LPA: variants seen among roughly 807,000 people sequenced by gnomAD.
LPA encodes the protein lipoprotein(a).
LPA carries 199 observed loss-of-function variants against 197.9 expected under a neutral mutation model. The observed-to-expected ratio is 1.01, with a 90% CI of 0.90 to 1.13. The LOEUF is 1.13. Among genes scored for constraint, LPA ranks in the 50% most tolerant of loss-of-function variants. LPA has a pLI of 0.00. For synonymous variants in LPA, 715 were observed against 639.5 expected (o/e 1.12, Z -1.78); for missense variants, 1,853 against 1,785.8 (o/e 1.04, Z -0.68).
chr6:160,539,110 C>T (rs1177001388), intron 36 of LPA, among the ~76,000 whole-genome samples: 1 of 152,172 alleles, frequency 6.6e-6, no homozygotes, highest in Admixed American at 6.5e-5. Context: ...GGCTTGTGAC[C>T]AGGCCCAGGA....
In LPA at chr6:160,600,836, G is replaced by A. The variant is rs1018834544; in HGVS notation, c.3127+81C>T. ...AACACACGAGAACCAGTGTAGCACTGAAGGGTTGTGCGTCAGTGGGGGTAT... is the reference window on the plus strand; with the variant it reads ...AACACACGAGAACCAGTGTAGCACTAAAGGGTTGTGCGTCAGTGGGGGTAT... On this transcript the variant is annotated intron_variant, in intron 19 of 38. Coordinates refer to ENST00000316300, the MANE Select transcript of LPA (RefSeq NM_005577.4). 1.7e-4 allele frequency: 255 copies of A among 1,474,092 alleles called. 2 individuals carry two copies. Among genetic ancestry groups the A allele is most frequent in the South Asian group, 7.5e-4 (65 of 87,168 alleles). The allele number at this position is 1,474,092 out of a possible 1,614,324, so 91.3% of individuals were successfully genotyped here.
chr6:160,606,213 GCCCAT>G lies in LPA; in HGVS notation c.2785+259_2785+263del, dbSNP rs765190319. Among the ~76,000 whole-genome samples, 482 of 152,276 alleles carry G rather than the reference GCCCAT, an allele frequency of 3.2e-3. 2 individuals are homozygous for G. The highest frequency in any genetic ancestry group is 6.8e-3 in the South Asian group (33 of 4,822). The stretch of plus-strand genomic sequence containing the variant: ...AAATTTTGGCTAAGACACTGAGATA[GCCCAT>G]TTTTCAACGAGGTGAGTTGTGAAGT... On this transcript the variant is annotated intron_variant, in intron 17 of 38. Coordinates refer to ENST00000316300, the MANE Select transcript of LPA (RefSeq NM_005577.4).
At chr6:160,661,376 A>G (rs2115114134) in intron 1 of LPA, among the ~76,000 whole-genome samples, 1 of 152,306 alleles carries the variant, frequency 6.6e-6, no homozygotes, top group East Asian at 1.9e-4. Context: ...TAGGGAATAC[A>G]GGGTCAGGGG....
rs141383002 is a variant in LPA at position 160,566,533 on chromosome 6, A to C, written c.4632-8962T>G. ...AAACAATCGGTATCAGCCACTGCACAAACATGCCAAATTGTAAAAACCATC... is the reference window on the plus strand; with the variant it reads ...AAACAATCGGTATCAGCCACTGCACCAACATGCCAAATTGTAAAAACCATC... On this transcript the variant is annotated intron_variant, in intron 28 of 38. Transcript: ENST00000316300. Among the ~76,000 whole-genome samples, 1,149 of 152,344 alleles carry C rather than the reference A, an allele frequency of 7.5e-3. 5 individuals carry two copies. Among genetic ancestry groups the C allele is most frequent in the Non-Finnish European group, 0.012 (846 of 68,028 alleles).
At chr6:160,592,645 C>A (rs1192746045) in intron 22 of LPA, among the ~76,000 whole-genome samples, 1 of 152,146 alleles carries the variant, frequency 6.6e-6, no homozygotes, top group Non-Finnish European at 1.5e-5. Flanking sequence ...AACTGAGAAA[C>A]TTGTATTCGT....
At chr6:160,555,228 T>C (rs1778233990) in intron 30 of LPA, among the ~76,000 whole-genome samples, 1 of 137,344 alleles carries the variant, frequency 7.3e-6, no homozygotes, top group African/African-American at 2.7e-5. Context: ...CACACAGGTT[T>C]ATATATATTA....
intron 20 of LPA, among the ~76,000 whole-genome samples, chr6:160,597,024 G>C (rs527759673): frequency 6.6e-6 from 1 of 152,052 alleles, no homozygotes; most frequent in Non-Finnish European, 1.5e-5. Flanking sequence ...ACTTTATTCT[G>C]GGAGAATAAA....
At chr6:160,550,846 T>C (rs1778156335) in intron 30 of LPA, among the ~76,000 whole-genome samples, 1 of 152,210 alleles carries the variant, frequency 6.6e-6, no homozygotes. Flanking sequence ...GCATCTTCCA[T>C]ACTATTTGAG....
chr6:160,600,813 C>A (rs1779223486), intron 19 of LPA, 104 bp downstream of exon 19: 1 of 1,315,158 alleles, frequency 7.6e-7, no homozygotes, highest in Non-Finnish European at 1.1e-6. Flanking sequence ...CCAGAACCAA[C>A]ACACGAGAAC....
At position 160,593,120 on chromosome 6, in the gene LPA, A is replaced by C. The variant is rs1232949750; in HGVS notation, c.3629+838T>G. Among the ~76,000 whole-genome samples, 4 of 152,228 alleles carry C rather than the reference A, an allele frequency of 2.6e-5. No homozygotes were observed. In the East Asian group the frequency reaches 5.8e-4, roughly 22 times the overall value. On this transcript the variant is annotated intron_variant, in intron 22 of 38. Coordinates refer to ENST00000316300, the MANE Select transcript of LPA (RefSeq NM_005577.4). ...TCTTAGCCAGCCTAGAATACGTCAG[A>C]TGCCTGAGGCATCACAAACTCCAGT...
chr6:160,585,656 A>G (rs1480507710), intron 25 of LPA, among the ~76,000 whole-genome samples: 1 of 152,060 alleles, frequency 6.6e-6, no homozygotes, highest in Non-Finnish European at 1.5e-5. Context: ...AAGCCTTCAG[A>G]TTCTGGGGTG....
At chr6:160,568,875 A>G (rs148508489) in intron 28 of LPA, among the ~76,000 whole-genome samples, 2 of 152,344 alleles carry the variant, frequency 1.3e-5, no homozygotes, top group East Asian at 3.9e-4. Context: ...ATGAACTCCC[A>G]TTCACAATTG....
chr6:160,655,256 T>C (rs1780112558), intron 1 of LPA, among the ~76,000 whole-genome samples: 1 of 152,198 alleles, frequency 6.6e-6, no homozygotes. Context: ...AGAGTAGTTA[T>C]CTGCAGAAGT....
chr6:160,589,456 A>G (rs1208012564), intron 24 of LPA, 97 bp downstream of exon 24: 2 of 1,418,396 alleles, frequency 1.4e-6, no homozygotes, highest in East Asian at 4.6e-5. Context: ...TGGGTCTGAG[A>G]GAAATTGGGT....
intron 2 of LPA, among the ~76,000 whole-genome samples, chr6:160,647,241 G>C (rs959566816): frequency 6.6e-6 from 1 of 152,144 alleles, no homozygotes; most frequent in Non-Finnish European, 1.5e-5. Context: ...TGAAGAGGTC[G>C]GACAGCTATG....
chr6:160,574,062 C>T (rs932174123), intron 28 of LPA, among the ~76,000 whole-genome samples: 5 of 152,014 alleles, frequency 3.3e-5, no homozygotes, highest in East Asian at 1.9e-4. Context: ...TCCTTGGGCA[C>T]GTCTTACTGA....
chr6:160,534,971 G>A (rs111939969), intron 37 of LPA, among the ~76,000 whole-genome samples: 2 of 146,112 alleles, frequency 1.4e-5, no homozygotes, highest in South Asian at 2.2e-4. Context: ...GGTGATGATG[G>A]TGGTGCTGGT....
At chr6:160,647,435 A>C (rs776866765) in intron 2 of LPA, among the ~76,000 whole-genome samples, 50 of 152,116 alleles carry the variant, frequency 3.3e-4, no homozygotes, top group Non-Finnish European at 6.9e-4. Flanking sequence ...TGGGGATCCA[A>C]CATTGTGTCT....
At chr6:160,604,756 G>C (rs1779311035) in intron 18 of LPA, among the ~76,000 whole-genome samples, 1 of 152,192 alleles carries the variant, frequency 6.6e-6, no homozygotes, top group Admixed American at 6.5e-5. Context: ...AGTGGGTGTT[G>C]TGGAAGGGTA....
Sources: gnomAD v4.1 joint callset for allele counts (sites outside exome capture counted in the v4.1 genomes callset) on GRCh38, gnomAD v4.1.1 for gene constraint, MANE v1.5 for transcripts, NCBI Gene and HGNC (gene_info 2026-07-23, HGNC 2026-07-21) for gene names.